RRAS2: variants seen among roughly 807,000 people sequenced by gnomAD.
RRAS2 encodes RAS related 2.
Under a neutral mutation model 27.6 loss-of-function variants are expected in RRAS2, and 7 were observed. The ratio of observed to expected loss-of-function variants is 0.25; its 90% CI spans 0.14 to 0.48. The LOEUF is 0.48. Ranked by LOEUF, RRAS2 falls within the 20% of genes least tolerant of loss-of-function variation. The probability of loss-of-function intolerance (pLI) is 0.99; values close to 1 mark genes in which losing one functional copy is unlikely to be tolerated. For missense variants in RRAS2, 178 were observed against 256.2 expected, an observed-to-expected ratio of 0.69 and a Z score of 2.08; for synonymous variants, 86 against 90.9, an observed-to-expected ratio of 0.95 and a Z score of 0.31.
In RRAS2 at chr11:14,295,638, A is replaced by G. The variant is rs1591450131; in HGVS notation, c.196+130T>C. ...TATGCAGACTCTTCAATCAAAACTT[A>G]TAAATGACATGGGCTAATATTCCAG... On this transcript the variant is annotated intron_variant, in intron 2 of 5. Transcript: ENST00000256196. The G allele has an allele frequency of 1.1e-5, 7 of 657,248 alleles. No homozygotes were observed. In the East Asian group the frequency reaches 1.4e-4, roughly 13 times the overall value. The allele number at this position is 657,248 out of a possible 1,614,324, so 40.7% of individuals were successfully genotyped here.
rs1391326999 is a variant in RRAS2, at chr11:14,302,064, C to CCACACA, written c.109-6215_109-6210dup. Among the ~76,000 whole-genome samples, 67 of 51,810 alleles carry CCACACA rather than the reference C, an allele frequency of 1.3e-3. 1 individual carries two copies. Among genetic ancestry groups the CCACACA allele is most frequent in the Non-Finnish European group, 2.1e-3 (52 of 24,856 alleles). 34.0% of individuals were successfully genotyped at this position (51,810 alleles called of 152,430 possible). On this transcript the variant is annotated intron_variant, in intron 1 of 5. Coordinates refer to ENST00000256196, the MANE Select transcript of RRAS2 (RefSeq NM_012250.6). ...GCCTATAAAACAAGGAGTAAATGTA[C>CCACACA]CACACACATACACACACACACACAC...
chr11:14,357,193 C>CA (rs1449903974), intron 1 of RRAS2, among the ~76,000 whole-genome samples: 2 of 152,102 alleles, frequency 1.3e-5, no homozygotes, highest in Non-Finnish European at 2.9e-5. Context: ...GCCCCTTCCT[C>CA]AAAAAAACGT....
chr11:14,310,344 G>C (rs1319840205), intron 1 of RRAS2, among the ~76,000 whole-genome samples: 1 of 152,216 alleles, frequency 6.6e-6, no homozygotes, highest in Non-Finnish European at 1.5e-5. Context: ...TCAGGAGATA[G>C]ATGGTATTGT....
chr11:14,308,466 A>G (rs2133980149), intron 1 of RRAS2: 1 of 216,572 alleles, frequency 4.6e-6, no homozygotes, highest in South Asian at 5.7e-5. Context: ...GCCCTTCATG[A>G]CCTCTTTAAG....
intron 1 of RRAS2, among the ~76,000 whole-genome samples, chr11:14,355,304 A>AC (rs1274404234): frequency 1.3e-5 from 2 of 152,072 alleles, no homozygotes; most frequent in Non-Finnish European, 2.9e-5. Flanking sequence ...AGAGACATAG[A>AC]CCCCACACAC....
rs1849133344 is a variant in RRAS2 at position 14,358,572 on chromosome 11, G to A, written c.108+191C>T. On this transcript the variant is annotated intron_variant, in intron 1 of 5. Coordinates refer to ENST00000256196, the MANE Select transcript of RRAS2 (RefSeq NM_012250.6). This position sits in a 1 kb window ranked among gnomAD's most constrained non-coding sequence, Gnocchi z 5.1. ...CCTACTCCCGCGACGCCGCGCCCGG[G>A]AGGAGGCAGGAGCGCGACGCTGCGG... 1.0e-6 allele frequency: 1 copy of A among 986,440 alleles called. No individual in the cohort carries two copies. Among genetic ancestry groups the A allele is most frequent in the South Asian group, 4.7e-5 (1 of 21,308 alleles). The allele number at this position is 986,440 out of a possible 1,614,324, so 61.1% of individuals were successfully genotyped here.
At chr11:14,361,561 C>T (rs1554956178), upstream of RRAS2, among the ~76,000 whole-genome samples, 1 of 152,214 alleles carries the variant, frequency 6.6e-6, no homozygotes, top group Non-Finnish European at 1.5e-5. Flanking sequence ...CTGCTTCACA[C>T]ACACGAGGAT....
At chr11:14,329,036 CA>C (rs1848430131) in intron 1 of RRAS2, among the ~76,000 whole-genome samples, 1 of 147,104 alleles carries the variant, frequency 6.8e-6, no homozygotes, top group Non-Finnish European at 1.5e-5. Context: ...TATACACACA[CA>C]CATATATATG....
chr11:14,301,092 G>A (rs904744039), intron 1 of RRAS2, among the ~76,000 whole-genome samples: 5 of 152,142 alleles, frequency 3.3e-5, no homozygotes, highest in Admixed American at 6.5e-5. Context: ...CAGGAAAGTC[G>A]TAGGAGTTCT....
chr11:14,302,100 AC>A (rs1847726586), intron 1 of RRAS2, among the ~76,000 whole-genome samples: 1 of 151,474 alleles, frequency 6.6e-6, no homozygotes, highest in Non-Finnish European at 1.5e-5. Flanking sequence ...ACACACACAC[AC>A]ACACACACAC....
chr11:14,300,361 C>T (rs1370838018), intron 1 of RRAS2, among the ~76,000 whole-genome samples: 6 of 152,130 alleles, frequency 3.9e-5, no homozygotes, highest in Admixed American at 3.9e-4. Flanking sequence ...CACATTCAGA[C>T]AGAGATAAAA....
At chr11:14,303,033 T>C (rs1385260558) in intron 1 of RRAS2, among the ~76,000 whole-genome samples, 1 of 152,186 alleles carries the variant, frequency 6.6e-6, no homozygotes, top group Non-Finnish European at 1.5e-5. Context: ...TGACACACAG[T>C]AGGCCCTTAA....
chr11:14,309,443 T>C (rs1847908798), intron 1 of RRAS2, among the ~76,000 whole-genome samples: 1 of 152,212 alleles, frequency 6.6e-6, no homozygotes, highest in Non-Finnish European at 1.5e-5. Flanking sequence ...GGCAGTTTCT[T>C]GAAGTATTGA....
intron 1 of RRAS2, among the ~76,000 whole-genome samples, chr11:14,339,501 G>C (rs1318622385): frequency 6.6e-6 from 1 of 152,048 alleles, no homozygotes; most frequent in Non-Finnish European, 1.5e-5. Context: ...TAAATTTGTT[G>C]TAATTTTGTT....
chr11:14,358,807 C>A lies in RRAS2; in HGVS notation c.64G>T (p.Gly22Trp). 2 of 1,490,218 alleles carry A rather than the reference C, an allele frequency of 1.3e-6. No homozygotes were observed. Among genetic ancestry groups the A allele is most frequent in the East Asian group, 2.9e-5 (1 of 34,618 alleles). The allele number at this position is 1,490,218 out of a possible 1,614,324, so 92.3% of individuals were successfully genotyped here. Residue 22 changes from glycine (G) to tryptophan (W), a missense_variant, in exon 1 of 6, where the codon GGG becomes TGG. Gly to Trp is a radical substitution (Grantham distance 184). Coordinates refer to ENST00000256196, the MANE Select transcript of RRAS2 (RefSeq NM_012250.6). The surrounding 1 kb of genome is among the most constrained non-coding windows in gnomAD (Gnocchi z 5.1). ...AGCGCCGACTTGCCCACGCCGCCCC[C>A]GCCGACCACCACGAGCCGGTACTTC... ...QEKYRLVVVG[G>W]GGVGKSALTI...
intron 1 of RRAS2, among the ~76,000 whole-genome samples, chr11:14,300,582 C>A (rs782454980): frequency 1.8e-4 from 27 of 152,046 alleles, no homozygotes; most frequent in Non-Finnish European, 3.7e-4. Flanking sequence ...CCTGTTTCCA[C>A]CCCCGCCTCA....
chr11:14,362,669 G>A (rs1002318426), upstream of RRAS2, among the ~76,000 whole-genome samples: 10 of 152,198 alleles, frequency 6.6e-5, no homozygotes, highest in Non-Finnish European at 1.2e-4. Context: ...GAACAATAGA[G>A]ATCATCCCCC....
intron 1 of RRAS2, among the ~76,000 whole-genome samples, chr11:14,324,094 T>C (rs1050548024): frequency 2.6e-5 from 4 of 151,844 alleles, no homozygotes; most frequent in Admixed American, 6.6e-5. Flanking sequence ...TTGGAGGTCC[T>C]AGTTAATTTA....
chr11:14,308,488 C>CT (rs1364994749), intron 1 of RRAS2, among the ~76,000 whole-genome samples: 1 of 152,134 alleles, frequency 6.6e-6, no homozygotes, highest in Non-Finnish European at 1.5e-5. Context: ...CTCTTTCCAG[C>CT]TATATAATTT....
Sources: allele counts gnomAD v4.1 joint callset (sites outside exome capture counted in the v4.1 genomes callset), GRCh38; gene constraint gnomAD v4.1.1; non-coding constraint Gnocchi (gnomAD v3.1); transcripts MANE v1.5; gene names NCBI Gene and HGNC (gene_info 2026-07-23, HGNC 2026-07-21).